FOXK1: variants seen among roughly 807,000 people sequenced by gnomAD.
FOXK1 encodes the protein forkhead box protein K1.
In FOXK1, 19 loss-of-function variants were observed where a neutral mutation model predicts 51.9. The ratio of observed to expected loss-of-function variants is 0.37; its 90% CI spans 0.26 to 0.54. FOXK1 has a LOEUF of 0.54. Among genes scored for constraint, FOXK1 ranks in the 20% least tolerant of loss-of-function variants. The pLI, the probability that FOXK1 is intolerant of heterozygous loss-of-function variation, is 0.87. For synonymous variants in FOXK1, 537 were observed against 482.6 expected (o/e 1.11, Z -1.48); for missense variants, 870 against 1,032.7 (o/e 0.84, Z 2.16).
rs1490091104 is a variant in FOXK1, at chr7:4,768,290, GC to G, written c.*5829del. 1 of 146,562 alleles carries G rather than the reference GC, an allele frequency of 6.8e-6. No individual in the cohort carries two copies. Among genetic ancestry groups the G allele is most frequent in the Non-Finnish European group, 1.5e-5 (1 of 67,644 alleles). 9.1% of individuals were successfully genotyped at this position (146,562 alleles called of 1,614,324 possible). A position where few individuals can be genotyped will look rare whatever the true frequency, so the allele number is the denominator to read the frequency against. ...TGGGACTACAGGCGCCCGCTACCAC[GC>G]CCGGCTAATTTTTTGTATTTTTAGT... On this transcript the variant is annotated 3_prime_UTR_variant, in exon 9 of 9. Transcript: ENST00000328914.
chr7:4,716,386 GC>G (rs2045627149), intron 1 of FOXK1, among the ~76,000 whole-genome samples: 1 of 152,124 alleles, frequency 6.6e-6, no homozygotes, highest in African/African-American at 2.4e-5. Context: ...TGCACCCATA[GC>G]CCCAACTACT....
intron 5 of FOXK1, among the ~76,000 whole-genome samples, chr7:4,757,742 G>A (rs56716195): frequency 0.011 from 1,633 of 151,728 alleles, 22 homozygotes; most frequent in African/African-American, 0.028. Context: ...TAAGTAACCT[G>A]GCGATGATTT....
intron 1 of FOXK1, among the ~76,000 whole-genome samples, chr7:4,738,223 G>A (rs1345005359): frequency 1.3e-5 from 2 of 151,658 alleles, no homozygotes; most frequent in Admixed American, 6.6e-5. Flanking sequence ...GGTCACCTGA[G>A]GTCAGGAGTT....
chr7:4,739,475 T>C (rs1780602937), intron 1 of FOXK1, among the ~76,000 whole-genome samples: 1 of 152,228 alleles, frequency 6.6e-6, no homozygotes, highest in Non-Finnish European at 1.5e-5. Context: ...TGCTGCCTCA[T>C]CAGTTTAGAA....
Position 4,703,708 on chromosome 7 carries a change from C to T in FOXK1, c.560+20840C>T, listed in dbSNP as rs905538221. Among the ~76,000 whole-genome samples the T allele has an allele frequency of 3.9e-5, 6 of 152,160 alleles. No homozygotes were observed. Among genetic ancestry groups the T allele is most frequent in the African/African-American group, 1.2e-4 (5 of 41,420 alleles). ...CTGGTGCGCCATGCAATTGACATAG[C>T]GCTGCTCGGGCGACCAGGAGGCCCT... On this transcript the variant is annotated intron_variant, in intron 1 of 8. Coordinates refer to ENST00000328914, the MANE Select transcript of FOXK1 (RefSeq NM_001037165.2). This position sits in a 1 kb window ranked among gnomAD's most constrained non-coding sequence, Gnocchi z 5.6.
At chr7:4,725,068 C>T (rs1285067446) in intron 1 of FOXK1, among the ~76,000 whole-genome samples, 3 of 152,256 alleles carry the variant, frequency 2.0e-5, no homozygotes, top group African/African-American at 7.2e-5. Flanking sequence ...GCCATCCAAG[C>T]GCGGTGCACC....
chr7:4,759,247 G>T, intron 6 of FOXK1, 30 bp downstream of exon 6: 1 of 1,609,074 alleles, frequency 6.2e-7, no homozygotes. Context: ...CTTGCGGGGC[G>T]GGGCGGGGCG....
At chr7:4,741,313 C>T (rs1231993621) in intron 2 of FOXK1, among the ~76,000 whole-genome samples, 1 of 149,498 alleles carries the variant, frequency 6.7e-6, no homozygotes, top group Non-Finnish European at 1.5e-5. Context: ...TTTTAAAGGG[C>T]GTTGAAAATG....
At chr7:4,720,245 CTG>C (rs1287765477) in intron 1 of FOXK1, among the ~76,000 whole-genome samples, 1 of 152,184 alleles carries the variant, frequency 6.6e-6, no homozygotes, top group Non-Finnish European at 1.5e-5. Flanking sequence ...CTGACCAAAT[CTG>C]TACATTTTTC....
At chr7:4,716,533 A>G (rs1419676925) in intron 1 of FOXK1, among the ~76,000 whole-genome samples, 1 of 152,074 alleles carries the variant, frequency 6.6e-6, no homozygotes. Flanking sequence ...AGAAATACAA[A>G]CCAGCAGAAT....
At chr7:4,685,196 C>T (rs1197998581) in intron 1 of FOXK1, among the ~76,000 whole-genome samples, 5 of 150,750 alleles carry the variant, frequency 3.3e-5, no homozygotes, top group African/African-American at 4.9e-5. Context: ...TGTCCATGTC[C>T]ACCCTCCTAG....
chr7:4,752,037 C>T (rs1562389193), intron 2 of FOXK1, among the ~76,000 whole-genome samples: 1 of 152,178 alleles, frequency 6.6e-6, no homozygotes. Flanking sequence ...ACTGCAGCCT[C>T]GACCTCCCAG....
At position 4,682,700 on chromosome 7, in the gene FOXK1, A is replaced by G. The variant is rs1181137202; in HGVS notation, c.392A>G (p.Gln131Arg). ...PSVTIGRNSS[Q>R]GSVDLSMGLS... ...GTCACCATCGGCCGCAACTCGTCGCAGGGCTCGGTGGACTTGAGCATGGGC... is the reference window on the plus strand; with the variant it reads ...GTCACCATCGGCCGCAACTCGTCGCGGGGCTCGGTGGACTTGAGCATGGGC... The change falls in exon 1 of 9, where the codon CAG (glutamine) becomes CGG (arginine). Residue 131 changes from glutamine (Q) to arginine (R), a missense_variant. This residue lies in a region of FOXK1 where 399 missense variants were observed against 475.6 expected (regional missense o/e 0.84). Transcript: ENST00000328914. This position sits in a 1 kb window ranked among gnomAD's most constrained non-coding sequence, Gnocchi z 7.6. 1 of 1,601,548 alleles carries G rather than the reference A, an allele frequency of 6.2e-7. No individual in the cohort carries two copies. Among genetic ancestry groups the G allele is most frequent in the Admixed American group, 1.7e-5 (1 of 59,578 alleles).
chr7:4,712,543 C>T (rs79186147), intron 1 of FOXK1, among the ~76,000 whole-genome samples: 7,259 of 152,156 alleles, frequency 0.048, 236 homozygotes, highest in Middle Eastern at 0.092. Flanking sequence ...CTGCCCCGCG[C>T]GCTTATTTGA....
rs1456194264 is a variant in FOXK1, at chr7:4,747,191, G to A, written c.746+6168G>A. On this transcript the variant is annotated intron_variant, in intron 2 of 8. Transcript: ENST00000328914. The surrounding 1 kb of genome is among the most constrained non-coding windows in gnomAD (Gnocchi z 9.2). The stretch of plus-strand genomic sequence containing the variant: ...GCCCGACTTCTCAGGTCAGCCTCGG[G>A]TGACAAGCGGCTTGTGTGGAGTAGG... Among the ~76,000 whole-genome samples, 1 of 152,208 alleles carries A rather than the reference G, an allele frequency of 6.6e-6. No individual in the cohort carries two copies. The highest frequency in any genetic ancestry group is 1.5e-5 in the Non-Finnish European group (1 of 68,044).
rs1247413155 is a variant in FOXK1, at chr7:4,753,100, T to G, written c.747-1359T>G. Among the ~76,000 whole-genome samples, 1 of 152,210 alleles carries G rather than the reference T, an allele frequency of 6.6e-6. No homozygotes were observed. The highest frequency in any genetic ancestry group is 2.4e-5 in the African/African-American group (1 of 41,458). On this transcript the variant is annotated intron_variant, in intron 2 of 8. Coordinates refer to ENST00000328914, the MANE Select transcript of FOXK1 (RefSeq NM_001037165.2). The surrounding 1 kb of genome is among the most constrained non-coding windows in gnomAD (Gnocchi z 4.9). The stretch of plus-strand genomic sequence containing the variant: ...TTGGGGAGTCCGTTGTAAGAGAGAA[T>G]GGGAATTCCAGATCAGAGTCCTTAA...
chr7:4,696,643 C>G (rs1054437727), intron 1 of FOXK1, among the ~76,000 whole-genome samples: 15 of 152,228 alleles, frequency 9.9e-5, no homozygotes, highest in Non-Finnish European at 2.2e-4. Flanking sequence ...TTCTCAGTGC[C>G]TCGCCCAGTG....
rs78540624 is a variant in FOXK1 at position 4,749,978 on chromosome 7, G to A, written c.747-4481G>A. Among the ~76,000 whole-genome samples, 37 of 152,318 alleles carry A rather than the reference G, an allele frequency of 2.4e-4. No individual in the cohort carries two copies. The highest frequency in any genetic ancestry group is 7.7e-4 in the African/African-American group (32 of 41,586). ...GGTCCCAGTGGCACCTTCTAGGCCC[G>A]GCCCCTGGATGCGGTGGAGGCTGCC... is the stretch of plus-strand genomic sequence containing the variant. On this transcript the variant is annotated intron_variant, in intron 2 of 8. Transcript: ENST00000328914. This position sits in a 1 kb window ranked among gnomAD's most constrained non-coding sequence, Gnocchi z 6.0.
chr7:4,682,549 T>C lies in FOXK1; in HGVS notation c.241T>C (p.Ser81Pro). ...SGGSSGVSGD[S>P]AVAGAAPALV... ...GGGCTCCTCCGGGGTATCCGGGGAC[T>C]CCGCGGTCGCGGGCGCGGCGCCGGC... Residue 81 changes from serine to proline, a missense_variant, in exon 1 of 9, where the codon TCC becomes CCC. This residue lies in a region of FOXK1 where 399 missense variants were observed against 475.6 expected (regional missense o/e 0.84). Transcript: ENST00000328914. This position sits in a 1 kb window ranked among gnomAD's most constrained non-coding sequence, Gnocchi z 7.6. 1 of 1,154,636 alleles carries C rather than the reference T, an allele frequency of 8.7e-7. No individual in the cohort carries two copies. The highest frequency in any genetic ancestry group is 1.1e-6 in the Non-Finnish European group (1 of 941,818). 71.5% of individuals were successfully genotyped at this position (1,154,636 alleles called of 1,614,324 possible). A position where few individuals can be genotyped will look rare whatever the true frequency, so the allele number is the denominator to read the frequency against.
Sources: allele counts gnomAD v4.1 joint callset (sites outside exome capture counted in the v4.1 genomes callset), GRCh38; gene constraint gnomAD v4.1.1; regional missense constraint gnomAD v4.1.1; non-coding constraint Gnocchi (gnomAD v3.1); transcripts MANE v1.5; gene names NCBI Gene and HGNC (gene_info 2026-07-23, HGNC 2026-07-21).